The following SPATA6 variants were observed in gnomAD, a reference collection of about 807,000 sequenced individuals.
SPATA6 encodes the protein spermatogenesis-associated protein 6.
SPATA6 carries 56 observed loss-of-function variants against 65.3 expected under a neutral mutation model. The observed-to-expected ratio is 0.86, with a 90% CI of 0.69 to 1.07. The LOEUF is 1.07. Ranked by LOEUF, SPATA6 falls within the 50% of genes least tolerant of loss-of-function variation. SPATA6 has a pLI of 0.00. For missense variants in SPATA6, 590 were observed against 594.8 expected, an observed-to-expected ratio of 0.99 and a Z score of 0.08; for synonymous variants, 199 against 213.2, an observed-to-expected ratio of 0.93 and a Z score of 0.58.
intron 7 of SPATA6, among the ~76,000 whole-genome samples, chr1:48,396,378 A>G (rs2265767): frequency 0.14 from 21,771 of 151,644 alleles, 1,770 homozygotes; most frequent in African/African-American, 0.21. Context: ...TTTTTCATCT[A>G]GGTATATACC....
At chr1:48,363,780 TTC>T (rs1262720743) in intron 9 of SPATA6, among the ~76,000 whole-genome samples, 1 of 151,590 alleles carries the variant, frequency 6.6e-6, no homozygotes, top group Non-Finnish European at 1.5e-5. Context: ...GTTGCCTTTT[TTC>T]TTTTTTTATT....
intron 4 of SPATA6, 111 bp from the exon 5 acceptor site, chr1:48,411,699 T>G: frequency 3.3e-6 from 3 of 917,256 alleles, no homozygotes; most frequent in Non-Finnish European, 4.3e-6. Context: ...ATACCTGTTT[T>G]GGGTCATGTT....
chr1:48,293,505 G>A (rs1221814177), downstream of SPATA6, among the ~76,000 whole-genome samples: 1 of 152,092 alleles, frequency 6.6e-6, no homozygotes, highest in Non-Finnish European at 1.5e-5. Context: ...TTGAGGGCCA[G>A]GGTCTCCTAC....
chr1:48,454,134 AT>A (rs1570628244), intron 1 of SPATA6, among the ~76,000 whole-genome samples: 2 of 151,936 alleles, frequency 1.3e-5, no homozygotes, highest in Admixed American at 1.3e-4. Flanking sequence ...AGGCAAAAAA[AT>A]GTGTGGTTAT....
At chr1:48,454,752 C>T (rs1464946243) in intron 1 of SPATA6, among the ~76,000 whole-genome samples, 11 of 152,012 alleles carry the variant, frequency 7.2e-5, no homozygotes, top group East Asian at 5.8e-4. Flanking sequence ...GTGAAATAAA[C>T]GGAGCCCCGG....
the SPATA6 span, among the ~76,000 whole-genome samples, chr1:48,277,804 C>G: frequency 3.3e-5 from 5 of 152,280 alleles, no homozygotes; most frequent in East Asian, 5.8e-4. Flanking sequence ...AAATGTCCCT[C>G]TCTGACAGCT....
chr1:48,267,156 G>T, the SPATA6 span, among the ~76,000 whole-genome samples: 273 of 152,242 alleles, frequency 1.8e-3, 1 homozygote, highest in East Asian at 0.028. Flanking sequence ...TGCGATGGGA[G>T]TGTGGCTCAC....
rs142461404 is a variant in SPATA6, at chr1:48,384,932, A to G, written c.909+377T>C. Among the ~76,000 whole-genome samples the G allele has an allele frequency of 2.0e-5, 3 of 152,352 alleles. No individual in the cohort carries two copies. The East Asian group carries it at 5.8e-4, about 29-fold the overall frequency. ...AGAGCATAAAATATATGCAAATACT[A>G]CAAAAGTTATACATACATATGCCTG... On this transcript the variant is annotated intron_variant, in intron 9 of 12. Coordinates refer to ENST00000371847, the MANE Select transcript of SPATA6 (RefSeq NM_019073.4).
At chr1:48,268,008 T>C in the SPATA6 span, among the ~76,000 whole-genome samples, 80 of 151,918 alleles carry the variant, frequency 5.3e-4, no homozygotes, top group Middle Eastern at 6.8e-3. Flanking sequence ...GTCTCGGCCT[T>C]CCAAAGTGCT....
chr1:48,369,032 G>GGTCTGTT (rs1411430296), intron 9 of SPATA6, among the ~76,000 whole-genome samples: 1 of 152,182 alleles, frequency 6.6e-6, no homozygotes, highest in Non-Finnish European at 1.5e-5. Context: ...CTCAGCTGCA[G>GGTCTGTT]GTCTGTTGGA....
At chr1:48,393,928 C>T (rs1028428674) in intron 8 of SPATA6, among the ~76,000 whole-genome samples, 8 of 152,008 alleles carry the variant, frequency 5.3e-5, no homozygotes, top group Non-Finnish European at 8.8e-5. Context: ...ACTCCCAAAG[C>T]CTCCATCTCC....
chr1:48,446,762 C>T (rs1656088063), intron 3 of SPATA6, among the ~76,000 whole-genome samples: 1 of 152,062 alleles, frequency 6.6e-6, no homozygotes, highest in African/African-American at 2.4e-5. Flanking sequence ...ATCAGTAAAA[C>T]AACCAACCCT....
intron 3 of SPATA6, chr1:48,436,475 G>A (rs1654948386): frequency 1.9e-6 from 3 of 1,608,216 alleles, no homozygotes; most frequent in Non-Finnish European, 2.6e-6. Context: ...GGAGCTGTGA[G>A]AGGGTTGAAC....
intron 11 of SPATA6, among the ~76,000 whole-genome samples, chr1:48,309,072 G>A (rs561485904): frequency 2.2e-4 from 34 of 152,050 alleles, no homozygotes; most frequent in Admixed American, 9.2e-4. Flanking sequence ...TCAGACTTAC[G>A]GTTTATAATG....
At chr1:48,371,302 GATAGATAGA>G (rs1460889208) in intron 9 of SPATA6, among the ~76,000 whole-genome samples, 2 of 152,064 alleles carry the variant, frequency 1.3e-5, no homozygotes, top group African/African-American at 4.8e-5. Flanking sequence ...TAGATAGATA[GATAGATAGA>G]TAGATATTCA....
At chr1:48,360,046 A>C (rs1056111596) in intron 9 of SPATA6, among the ~76,000 whole-genome samples, 1 of 152,184 alleles carries the variant, frequency 6.6e-6, no homozygotes, top group Non-Finnish European at 1.5e-5. Context: ...TGGGGTTCGC[A>C]TAGGGATGTG....
intron 1 of SPATA6, among the ~76,000 whole-genome samples, chr1:48,455,503 C>T (rs570756672): frequency 6.6e-6 from 1 of 152,074 alleles, no homozygotes; most frequent in South Asian, 2.1e-4. Flanking sequence ...CTACCTCAGC[C>T]TCAAGTAGCT....
chr1:48,414,995 T>TAA (rs79060900), intron 3 of SPATA6, among the ~76,000 whole-genome samples: 3 of 141,450 alleles, frequency 2.1e-5, no homozygotes, highest in Admixed American at 7.1e-5. Context: ...ACAGAAATTC[T>TAA]AAAAAAAAAA....
chr1:48,459,895 A>AT (rs1405477099), intron 1 of SPATA6, among the ~76,000 whole-genome samples: 20 of 152,246 alleles, frequency 1.3e-4, no homozygotes, highest in Admixed American at 1.2e-3. Flanking sequence ...AGAAGAAATT[A>AT]TAAGACAAAT....
Sources: gnomAD v4.1 joint callset for allele counts (sites outside exome capture counted in the v4.1 genomes callset) on GRCh38, gnomAD v4.1.1 for gene constraint, MANE v1.5 for transcripts, NCBI Gene and HGNC (gene_info 2026-07-23, HGNC 2026-07-21) for gene names.